Variants in ADAMTS17 observed in about 807,000 individuals in gnomAD.
The protein encoded by ADAMTS17 is A disintegrin and metalloproteinase with thrombospondin motifs 17.
In ADAMTS17, 113 loss-of-function variants were observed where a neutral mutation model predicts 141.5. The ratio of observed to expected loss-of-function variants is 0.80; its 90% CI spans 0.69 to 0.93. The LOEUF (loss-of-function observed/expected upper bound fraction) is 0.93. ADAMTS17 is among the 40% of genes least tolerant of loss of function. The pLI, the probability that ADAMTS17 is intolerant of heterozygous loss-of-function variation, is 0.00. For missense variants in ADAMTS17, 1,659 were observed against 1,517.9 expected (o/e 1.09, Z -1.54); for synonymous variants, 768 against 630.6 (o/e 1.22, Z -3.27).
At chr15:100,307,438 G>C (rs1056213625) in intron 3 of ADAMTS17, among the ~76,000 whole-genome samples, 2 of 152,162 alleles carry the variant, frequency 1.3e-5, no homozygotes, top group Admixed American at 1.3e-4. Flanking sequence ...GAAAGAGATG[G>C]CAAGAGCAAG....
intron 18 of ADAMTS17, among the ~76,000 whole-genome samples, chr15:100,036,921 T>C (rs1228378809): frequency 6.6e-6 from 1 of 152,248 alleles, no homozygotes; most frequent in Admixed American, 6.5e-5. Context: ...TATGGCTGAA[T>C]AATATTGCGC....
chr15:100,226,068 G>T (rs1351131269), intron 7 of ADAMTS17, among the ~76,000 whole-genome samples: 1 of 150,910 alleles, frequency 6.6e-6, no homozygotes, highest in Non-Finnish European at 1.5e-5. Flanking sequence ...AGCAGTCACG[G>T]TCTCTGTGCC....
chr15:100,121,133 T>G (rs1043757010), intron 12 of ADAMTS17, among the ~76,000 whole-genome samples: 1 of 152,110 alleles, frequency 6.6e-6, no homozygotes, highest in African/African-American at 2.4e-5. Context: ...TTAGCAAACT[T>G]GAATATAGGA....
At chr15:100,310,532 C>G (rs1392169496) in intron 3 of ADAMTS17, among the ~76,000 whole-genome samples, 1 of 152,242 alleles carries the variant, frequency 6.6e-6, no homozygotes, top group Non-Finnish European at 1.5e-5. Flanking sequence ...AGGTCCCTTT[C>G]TGCTCCCCAA....
chr15:100,137,588 C>T (rs192384248), intron 10 of ADAMTS17, among the ~76,000 whole-genome samples: 1 of 152,170 alleles, frequency 6.6e-6, no homozygotes, highest in African/African-American at 2.4e-5. Flanking sequence ...TTGTGGCAGA[C>T]AGGGCTGCTC....
chr15:100,029,120 C>T (rs541284819), intron 18 of ADAMTS17, among the ~76,000 whole-genome samples: 9 of 152,226 alleles, frequency 5.9e-5, no homozygotes, highest in African/African-American at 1.7e-4. Context: ...CCAGGGTGAA[C>T]CCCTAGTCCT....
At chr15:100,233,651 C>A (rs1349221148) in intron 7 of ADAMTS17, among the ~76,000 whole-genome samples, 1 of 152,132 alleles carries the variant, frequency 6.6e-6, no homozygotes, top group African/African-American at 2.4e-5. Context: ...CAGAGAAACA[C>A]GCAATGTCCA....
At chr15:100,099,415 T>C (rs1425626974) in intron 14 of ADAMTS17, among the ~76,000 whole-genome samples, 1 of 152,208 alleles carries the variant, frequency 6.6e-6, no homozygotes, top group Admixed American at 6.5e-5. Context: ...GAAGCTGCCA[T>C]AGGACACAAC....
chr15:100,007,654 TTGG>T (rs1461699893), intron 18 of ADAMTS17, among the ~76,000 whole-genome samples: 2 of 151,876 alleles, frequency 1.3e-5, no homozygotes, highest in African/African-American at 4.8e-5. Context: ...CCCAAGAATG[TTGG>T]TGGTACCTCC....
intron 10 of ADAMTS17, among the ~76,000 whole-genome samples, chr15:100,151,468 G>A (rs533742339): frequency 6.6e-6 from 1 of 152,298 alleles, no homozygotes; most frequent in Non-Finnish European, 1.5e-5. Flanking sequence ...GCATTCTGGA[G>A]GCAGCCTGCA....
intron 8 of ADAMTS17, among the ~76,000 whole-genome samples, chr15:100,195,503 G>C (rs2041077463): frequency 6.7e-6 from 1 of 149,832 alleles, no homozygotes; most frequent in Admixed American, 6.7e-5. Context: ...GTTTCCGTAA[G>C]ACCACAGAAC....
intron 10 of ADAMTS17, among the ~76,000 whole-genome samples, chr15:100,150,791 G>A (rs1471771328): frequency 6.6e-6 from 1 of 152,138 alleles, no homozygotes; most frequent in Non-Finnish European, 1.5e-5. Context: ...TGGCTCAGCT[G>A]GGCACTACCC....
intron 20 of ADAMTS17, chr15:99,976,511 C>T: frequency 1.7e-6 from 1 of 577,336 alleles, no homozygotes; most frequent in Non-Finnish European, 3.1e-6. Context: ...AAAACAGCAG[C>T]TGCCTGATAG....
intron 3 of ADAMTS17, among the ~76,000 whole-genome samples, chr15:100,303,201 T>C (rs1046455339): frequency 3.4e-5 from 5 of 147,038 alleles, no homozygotes; most frequent in African/African-American, 1.2e-4. Flanking sequence ...CTTTATAAAA[T>C]ATATAATATA....
chr15:100,284,402 A>C (rs988219137), intron 3 of ADAMTS17, among the ~76,000 whole-genome samples: 5 of 152,228 alleles, frequency 3.3e-5, no homozygotes, highest in African/African-American at 1.2e-4. Context: ...CAAGGAATGC[A>C]TGCAGTGGGT....
At chr15:100,101,168 G>C (rs1296480477) in intron 14 of ADAMTS17, among the ~76,000 whole-genome samples, 1 of 152,132 alleles carries the variant, frequency 6.6e-6, no homozygotes, top group Non-Finnish European at 1.5e-5. Flanking sequence ...CTCTCTGCCA[G>C]GCTGGCTCTT....
rs556800178 is a variant in ADAMTS17, at chr15:100,091,010, CAAAAA to C, written c.2137+5341_2137+5345del. ...GAGGCAGAGTGAGACTCCGTCTCAACAAAAAAAAAAAAAAAAAAGGGTAACCAATG... is the reference window on the plus strand; with the variant it reads ...GAGGCAGAGTGAGACTCCGTCTCAACAAAAAAAAAAAAAGGGTAACCAATG... On this transcript the variant is annotated intron_variant, in intron 15 of 21. Coordinates refer to ENST00000268070, the MANE Select transcript of ADAMTS17 (RefSeq NM_139057.4). Among the ~76,000 whole-genome samples, 8 of 54,612 alleles carry C rather than the reference CAAAAA, an allele frequency of 1.5e-4. 1 individual carries two copies. Among genetic ancestry groups the C allele is most frequent in the African/African-American group, 5.7e-4 (8 of 14,118 alleles). The allele number at this position is 54,612 out of a possible 152,430, so 35.8% of individuals were successfully genotyped here. A position where few individuals can be genotyped will look rare whatever the true frequency, so the allele number is the denominator to read the frequency against.
intron 15 of ADAMTS17, chr15:100,063,560 C>T (rs1355430145): frequency 4.5e-6 from 4 of 889,404 alleles, no homozygotes; most frequent in South Asian, 1.4e-5. Context: ...CATGTCATTA[C>T]AACACAGGCG....
chr15:100,225,406 A>T (rs1596314975), intron 7 of ADAMTS17, among the ~76,000 whole-genome samples: 1 of 152,232 alleles, frequency 6.6e-6, no homozygotes, highest in Admixed American at 6.5e-5. Flanking sequence ...TCAGAAAGAA[A>T]CCCCAGCAGC....
Sources: gnomAD v4.1 joint callset for allele counts (sites outside exome capture counted in the v4.1 genomes callset) on GRCh38, gnomAD v4.1.1 for gene constraint, MANE v1.5 for transcripts, NCBI Gene and HGNC (gene_info 2026-07-23, HGNC 2026-07-21) for gene names.